RORA: variants seen among roughly 807,000 people sequenced by gnomAD.
RORA encodes the protein RAR related orphan receptor A.
In RORA, 7 loss-of-function variants were observed where a neutral mutation model predicts 69.5. The ratio of observed to expected loss-of-function variants is 0.10; its 90% CI spans 0.06 to 0.19. The LOEUF (loss-of-function observed/expected upper bound fraction) is 0.19. RORA is among the 10% of genes least tolerant of loss of function. The probability of loss-of-function intolerance (pLI) is 1.00; values close to 1 mark genes in which losing one functional copy is unlikely to be tolerated. For missense variants in RORA, 457 were observed against 663.0 expected (o/e 0.69, Z 3.41); for synonymous variants, 261 against 240.8 (o/e 1.08, Z -0.78).
intron 1 of RORA, among the ~76,000 whole-genome samples, chr15:60,796,785 A>G (rs1595721624): frequency 1.3e-5 from 2 of 152,022 alleles, no homozygotes; most frequent in Non-Finnish European, 2.9e-5. Flanking sequence ...AACAACCTCA[A>G]TTTCTCATCA....
intron 2 of RORA, among the ~76,000 whole-genome samples, chr15:60,670,011 T>C (rs1415893772): frequency 2.6e-5 from 4 of 152,200 alleles, no homozygotes; most frequent in African/African-American, 7.2e-5. Context: ...CTCCCTGCCC[T>C]ATCTTTCCAT....
intron 1 of RORA, among the ~76,000 whole-genome samples, chr15:61,124,431 C>G (rs1306715491): frequency 1.3e-5 from 2 of 152,094 alleles, no homozygotes; most frequent in African/African-American, 4.8e-5. Flanking sequence ...CTCTCTGCCC[C>G]TCTGAGAGCA....
At chr15:60,701,524 G>C (rs541013819) in intron 1 of RORA, among the ~76,000 whole-genome samples, 3 of 152,280 alleles carry the variant, frequency 2.0e-5, no homozygotes, top group Admixed American at 1.3e-4. Flanking sequence ...CCGACGTACT[G>C]CCTCTGCTCT....
chr15:60,856,306 C>T (rs989643611), intron 1 of RORA, among the ~76,000 whole-genome samples: 12 of 152,196 alleles, frequency 7.9e-5, no homozygotes, highest in Non-Finnish European at 1.3e-4. Context: ...CCTTCCACAA[C>T]TCAATATTTT....
intron 2 of RORA, among the ~76,000 whole-genome samples, chr15:60,620,299 A>T (rs1013448163): frequency 6.6e-6 from 1 of 152,206 alleles, no homozygotes; most frequent in Non-Finnish European, 1.5e-5. Flanking sequence ...TCAAATAAGG[A>T]CAGGGACCAC....
At chr15:60,871,947 T>G (rs2073561096) in intron 1 of RORA, among the ~76,000 whole-genome samples, 1 of 152,244 alleles carries the variant, frequency 6.6e-6, no homozygotes, top group Admixed American at 6.5e-5. Flanking sequence ...AGACACTGGG[T>G]AAAAGGTATG....
At chr15:60,971,198 G>A (rs1893703253) in intron 1 of RORA, among the ~76,000 whole-genome samples, 1 of 152,134 alleles carries the variant, frequency 6.6e-6, no homozygotes, top group African/African-American at 2.4e-5. Context: ...GCTTTGGCTT[G>A]GACACTTTTA....
intron 1 of RORA, among the ~76,000 whole-genome samples, chr15:60,946,902 C>A (rs77377249): frequency 0.26 from 39,468 of 150,586 alleles, 5,586 homozygotes; most frequent in Middle Eastern, 0.35. Flanking sequence ...ATGTGAGGAG[C>A]GCCTCTGCCC....
chr15:61,037,037 T>C (rs567004703), intron 1 of RORA, among the ~76,000 whole-genome samples: 1 of 152,270 alleles, frequency 6.6e-6, no homozygotes, highest in Admixed American at 6.5e-5. Context: ...ACAGGGTAGA[T>C]AGCTTAAGAA....
At chr15:61,052,422 G>A (rs1164543740) in intron 1 of RORA, among the ~76,000 whole-genome samples, 9 of 152,238 alleles carry the variant, frequency 5.9e-5, no homozygotes, top group Admixed American at 5.9e-4. Context: ...CTCCAGTGGT[G>A]CCACTGACAC....
chr15:60,969,733 A>G (rs563579511), intron 1 of RORA, among the ~76,000 whole-genome samples: 2 of 152,340 alleles, frequency 1.3e-5, no homozygotes, highest in South Asian at 4.1e-4. Flanking sequence ...AGTTAGGTAC[A>G]TGGTTTTCAG....
chr15:60,933,940 C>G (rs540231458), intron 1 of RORA, among the ~76,000 whole-genome samples: 1 of 152,324 alleles, frequency 6.6e-6, no homozygotes, highest in Non-Finnish European at 1.5e-5. Context: ...CCCAGAGAGG[C>G]TGGGCTCCCT....
chr15:60,761,635 T>C (rs1410039057), intron 1 of RORA, among the ~76,000 whole-genome samples: 1 of 152,192 alleles, frequency 6.6e-6, no homozygotes, highest in Non-Finnish European at 1.5e-5. Flanking sequence ...ATGGTGTGCC[T>C]GAGTAAGTAA....
chr15:60,556,975 T>A (rs758570991), intron 2 of RORA: 2 of 1,495,530 alleles, frequency 1.3e-6, no homozygotes, highest in South Asian at 1.2e-5. Context: ...AGAAAAGATT[T>A]ATCAGAGCAT....
At chr15:61,168,844 C>T (rs2079560946) in intron 1 of RORA, among the ~76,000 whole-genome samples, 1 of 152,062 alleles carries the variant, frequency 6.6e-6, no homozygotes, top group Admixed American at 6.5e-5. Context: ...GCCCAAGCTG[C>T]ATGGGTGTAA....
At chr15:61,195,490 T>C (rs1252593395) in intron 1 of RORA, among the ~76,000 whole-genome samples, 2 of 151,974 alleles carry the variant, frequency 1.3e-5, no homozygotes, top group Non-Finnish European at 2.9e-5. Flanking sequence ...TCAATCCCAC[T>C]ATGTATTACA....
chr15:60,602,671 A>G (rs576312783), intron 2 of RORA, among the ~76,000 whole-genome samples: 6 of 152,344 alleles, frequency 3.9e-5, no homozygotes, highest in African/African-American at 1.4e-4. Context: ...GAACTACTGT[A>G]AAACATATAG....
At chr15:60,515,981 TTA>T (rs1334450982) in intron 3 of RORA, among the ~76,000 whole-genome samples, 715 of 6,754 alleles carry the variant, frequency 0.11, 77 homozygotes, top group African/African-American at 0.16. Flanking sequence ...ATTTATATAT[TTA>T]TATATATTTA....
intron 1 of RORA, among the ~76,000 whole-genome samples, chr15:60,911,910 A>G (rs1244239755): frequency 6.9e-6 from 1 of 144,400 alleles, no homozygotes; most frequent in African/African-American, 2.5e-5. Flanking sequence ...GGGTTTTGCC[A>G]TGTTGGCCAG....
Sources: allele counts gnomAD v4.1 joint callset (sites outside exome capture counted in the v4.1 genomes callset), GRCh38; gene constraint gnomAD v4.1.1; transcripts MANE v1.5; gene names NCBI Gene and HGNC (gene_info 2026-07-23, HGNC 2026-07-21).